The following EDIL3 variants were observed in gnomAD, a reference collection of about 807,000 sequenced individuals.
EDIL3 encodes the protein EGF like and discoidin domains 3.
In EDIL3, 37 loss-of-function variants were observed where a neutral mutation model predicts 67.4. The ratio of observed to expected loss-of-function variants is 0.55; its 90% confidence interval spans 0.42 to 0.72. The LOEUF is 0.72. EDIL3 is among the 30% of genes least tolerant of loss of function. The pLI is 0.00. For synonymous variants in EDIL3, 195 were observed against 196.3 expected (o/e 0.99, Z 0.05); for missense variants, 527 against 586.3 (o/e 0.90, Z 1.04).
chr5:84,256,377 T>C (rs1745124625), intron 1 of EDIL3, among the ~76,000 whole-genome samples: 1 of 152,144 alleles, frequency 6.6e-6, no homozygotes, highest in African/African-American at 2.4e-5. Context: ...TAGTAACACC[T>C]GCAACTGGTA....
At position 83,941,080 on chromosome 5, in the gene EDIL3, T is replaced by A. The variant is rs1053930866; in HGVS notation, c.*2339A>T. The stretch of plus-strand genomic sequence containing the variant: ...GGTTTTAGTGTGAATTTACATAGAA[T>A]AAATTTACTTCACTTTCATGTCATC... On this transcript the variant is annotated 3_prime_UTR_variant, in exon 11 of 11. Transcript: ENST00000296591. 1 of 151,996 alleles carries A rather than the reference T, an allele frequency of 6.6e-6. No individual in the cohort carries two copies. Among genetic ancestry groups the A allele is most frequent in the Non-Finnish European group, 1.5e-5 (1 of 67,898 alleles). The allele number at this position is 151,996 out of a possible 1,614,324, so 9.4% of individuals were successfully genotyped here.
chr5:84,361,621 T>G (rs1747611183), intron 1 of EDIL3, among the ~76,000 whole-genome samples: 1 of 151,952 alleles, frequency 6.6e-6, no homozygotes, highest in Non-Finnish European at 1.5e-5. Flanking sequence ...ACTGTACTTA[T>G]TTTAGTTTGT....
At chr5:84,308,811 TA>T (rs778904554) in intron 1 of EDIL3, among the ~76,000 whole-genome samples, 15 of 152,202 alleles carry the variant, frequency 9.9e-5, no homozygotes, top group Non-Finnish European at 2.2e-4. Flanking sequence ...TTGTAATTTT[TA>T]AAATTTAAAT....
intron 2 of EDIL3, among the ~76,000 whole-genome samples, chr5:84,236,425 G>A (rs1744683787): frequency 6.6e-6 from 1 of 151,950 alleles, no homozygotes; most frequent in Non-Finnish European, 1.5e-5. Flanking sequence ...CTATTCAATT[G>A]TCCTTAAATA....
intron 1 of EDIL3, among the ~76,000 whole-genome samples, chr5:84,359,023 T>C (rs1297746946): frequency 2.0e-5 from 3 of 152,192 alleles, no homozygotes; most frequent in Admixed American, 1.3e-4. Flanking sequence ...CTTTTAAGGA[T>C]AGCTCTCATG....
intron 4 of EDIL3, among the ~76,000 whole-genome samples, chr5:84,173,852 G>A (rs1018298093): frequency 1.4e-4 from 21 of 152,134 alleles, no homozygotes; most frequent in African/African-American, 4.1e-4. Flanking sequence ...GCACTCCTCC[G>A]GGAATTAGGA....
At chr5:84,323,669 A>C (rs879598833) in intron 1 of EDIL3, among the ~76,000 whole-genome samples, 6 of 151,926 alleles carry the variant, frequency 3.9e-5, no homozygotes, top group Non-Finnish European at 8.8e-5. Context: ...GAGATCTTAG[A>C]AGATGCTCAC....
chr5:84,203,685 C>G (rs886149631), intron 3 of EDIL3, among the ~76,000 whole-genome samples: 1 of 152,136 alleles, frequency 6.6e-6, no homozygotes, highest in Non-Finnish European at 1.5e-5. Flanking sequence ...AAGCACTGTA[C>G]TCGCACAAGT....
intron 1 of EDIL3, among the ~76,000 whole-genome samples, chr5:84,350,633 T>A (rs138804939): frequency 5.2e-4 from 79 of 152,242 alleles, no homozygotes; most frequent in African/African-American, 1.6e-3. Context: ...CTAGCTTTTT[T>A]AAAAATAGTG....
rs572896073 is a variant in EDIL3 at position 84,231,710 on chromosome 5, A to T, written c.197-1826T>A. Among the ~76,000 whole-genome samples, 76 of 152,358 alleles carry T rather than the reference A, an allele frequency of 5.0e-4. No individual in the cohort carries two copies. The Middle Eastern group carries it at 0.01, about 20-fold the overall frequency. ...AGTTGGCATGCATGGCGCAGAGAACATAAATATTTTAAAAGCTGTTTGCCG... is the reference window on the plus strand; with the variant it reads ...AGTTGGCATGCATGGCGCAGAGAACTTAAATATTTTAAAAGCTGTTTGCCG... On this transcript the variant is annotated intron_variant, in intron 2 of 10. Coordinates refer to ENST00000296591, the MANE Select transcript of EDIL3 (RefSeq NM_005711.5).
intron 4 of EDIL3, among the ~76,000 whole-genome samples, chr5:84,159,447 T>A (rs1748564886): frequency 6.6e-6 from 1 of 152,012 alleles, no homozygotes; most frequent in Admixed American, 6.6e-5. Context: ...TATTGGTTAC[T>A]CTTATAAGTT....
intron 1 of EDIL3, among the ~76,000 whole-genome samples, chr5:84,271,127 T>C (rs1745464716): frequency 6.6e-6 from 1 of 152,190 alleles, no homozygotes; most frequent in African/African-American, 2.4e-5. Context: ...TGACCCTATT[T>C]GAAAATACCA....
At position 84,384,555 on chromosome 5, in the gene EDIL3, A is replaced by C; in HGVS notation, c.-181T>G. On this transcript the variant is annotated 5_prime_UTR_variant, in exon 1 of 11. Transcript: ENST00000296591. Reference sequence around the variant, plus strand: ...GAGAGGGCGAGAGTGGTGACTAAAGAGAGGAGCCTTTCCTCCCCTTTTGCC... The same window carrying C: ...GAGAGGGCGAGAGTGGTGACTAAAGCGAGGAGCCTTTCCTCCCCTTTTGCC... 1 of 525,176 alleles carries C rather than the reference A, an allele frequency of 1.9e-6. No individual in the cohort carries two copies. The highest frequency in any genetic ancestry group is 3.2e-6 in the Non-Finnish European group (1 of 309,912). The allele number at this position is 525,176 out of a possible 1,614,324, so 32.5% of individuals were successfully genotyped here.
At chr5:84,021,280 T>G (rs1260770287) in intron 9 of EDIL3, among the ~76,000 whole-genome samples, 1 of 151,980 alleles carries the variant, frequency 6.6e-6, no homozygotes, top group Non-Finnish European at 1.5e-5. Context: ...TGTTATTTCT[T>G]GATTTTCTAG....
At position 83,998,894 on chromosome 5, in the gene EDIL3, G is replaced by A. The variant is rs1182784976; in HGVS notation, c.1138-35534C>T. On this transcript the variant is annotated intron_variant, in intron 9 of 10. Transcript: ENST00000296591. ...CTGTCCCAGTGGTGGTTATGGGAGT[G>A]CTTGCATAATCTTTTCCCCAGTTCT... Among the ~76,000 whole-genome samples, 62 of 152,162 alleles carry A rather than the reference G, an allele frequency of 4.1e-4. 1 individual carries two copies. The highest frequency in any genetic ancestry group is 4.1e-3 in the Admixed American group (62 of 15,280).
chr5:84,216,429 T>C (rs1322407821), intron 3 of EDIL3, among the ~76,000 whole-genome samples: 1 of 152,224 alleles, frequency 6.6e-6, no homozygotes, highest in Non-Finnish European at 1.5e-5. Context: ...TATATGACTT[T>C]TACAATTCCA....
intron 10 of EDIL3, among the ~76,000 whole-genome samples, chr5:83,956,528 C>T (rs1648558060): frequency 6.6e-6 from 1 of 151,688 alleles, no homozygotes; most frequent in African/African-American, 2.4e-5. Flanking sequence ...TTGTCCTTTC[C>T]CAACTCAGCA....
chr5:84,278,402 A>G (rs1333449007), intron 1 of EDIL3, among the ~76,000 whole-genome samples: 6 of 152,164 alleles, frequency 3.9e-5, no homozygotes, highest in Non-Finnish European at 8.8e-5. Flanking sequence ...AGACTCAAAA[A>G]TTATTTGGGC....
intron 1 of EDIL3, among the ~76,000 whole-genome samples, chr5:84,307,256 C>T (rs1746290795): frequency 6.6e-6 from 1 of 151,778 alleles, no homozygotes; most frequent in South Asian, 2.1e-4. Context: ...AGACTGCAGG[C>T]TAATGAAAAT....
Sources: gnomAD v4.1 joint callset for allele counts (sites outside exome capture counted in the v4.1 genomes callset) on GRCh38, gnomAD v4.1.1 for gene constraint, MANE v1.5 for transcripts, NCBI Gene and HGNC (gene_info 2026-07-23, HGNC 2026-07-21) for gene names.